The following ATF1 variants were observed in gnomAD, a reference collection of about 807,000 sequenced individuals.
The protein encoded by ATF1 is cyclic AMP-dependent transcription factor ATF-1.
A neutral mutation model predicts 34.7 loss-of-function variants in ATF1; 16 were observed. That is an observed-to-expected ratio of 0.46 (90% CI 0.31 to 0.70). The LOEUF is 0.70. ATF1 is among the 30% of genes least tolerant of loss of function. ATF1 has a pLI of 0.05. For synonymous variants in ATF1, 105 were observed against 113.1 expected (o/e 0.93, Z 0.46); for missense variants, 255 against 321.6 (o/e 0.79, Z 1.58).
At chr12:50,770,077 G>A (rs1048505967) in intron 1 of ATF1, among the ~76,000 whole-genome samples, 1 of 152,190 alleles carries the variant, frequency 6.6e-6, no homozygotes, top group Non-Finnish European at 1.5e-5. Context: ...TAGCAATTGA[G>A]TAAAGTATAC....
intron 1 of ATF1, among the ~76,000 whole-genome samples, chr12:50,772,587 A>G (rs934372792): frequency 6.6e-6 from 1 of 151,972 alleles, no homozygotes; most frequent in African/African-American, 2.4e-5. Context: ...CGGCCTCCCA[A>G]AGTTCTGGGA....
At chr12:50,802,815 T>C (rs1475342482) in intron 3 of ATF1, among the ~76,000 whole-genome samples, 1 of 118,012 alleles carries the variant, frequency 8.5e-6, no homozygotes, top group African/African-American at 3.4e-5. Flanking sequence ...GAGTTTGCAG[T>C]GAACTGAGAA....
chr12:50,796,183 C>T (rs1172221873), intron 3 of ATF1, among the ~76,000 whole-genome samples, 174 bp downstream of exon 3: 1 of 152,158 alleles, frequency 6.6e-6, no homozygotes, highest in African/African-American at 2.4e-5. Context: ...TTGCTTGAGC[C>T]CAGGAGTTCA....
At chr12:50,810,916 C>T (rs1376769212) in intron 4 of ATF1, among the ~76,000 whole-genome samples, 4 of 152,190 alleles carry the variant, frequency 2.6e-5, no homozygotes, top group African/African-American at 9.7e-5. Context: ...AACTAGATCA[C>T]ATCGCTCCTG....
At chr12:50,784,396 G>T (rs1347369183) in intron 2 of ATF1, among the ~76,000 whole-genome samples, 6 of 152,136 alleles carry the variant, frequency 3.9e-5, no homozygotes, top group Non-Finnish European at 8.8e-5. Context: ...TTTATACAAG[G>T]TAGACAGAGA....
In ATF1 at chr12:50,819,527, A is replaced by ATACTT. The variant is rs561606102; in HGVS notation, c.672-105_672-101dup. 364 of 1,266,184 alleles carry ATACTT rather than the reference A, an allele frequency of 2.9e-4. 3 individuals carry two copies. Among genetic ancestry groups the ATACTT allele is most frequent in the South Asian group, 1.8e-3 (131 of 73,082 alleles). The allele number at this position is 1,266,184 out of a possible 1,614,324, so 78.4% of individuals were successfully genotyped here. A position where few individuals can be genotyped will look rare whatever the true frequency, so the allele number is the denominator to read the frequency against. On this transcript the variant is annotated intron_variant, in intron 6 of 6. Coordinates refer to ENST00000262053, the MANE Select transcript of ATF1 (RefSeq NM_005171.5). Reference sequence around the variant, plus strand: ...TCTATGTATTCTCTGTGTGTAGATGATACTTTAAAGAGAAAAAAAGGTGAC... The same window carrying ATACTT: ...TCTATGTATTCTCTGTGTGTAGATGATACTTTACTTTAAAGAGAAAAAAAGGTGAC...
chr12:50,819,546 A>G, intron 6 of ATF1, 89 bp from the exon 7 acceptor site: 1 of 1,432,050 alleles, frequency 7.0e-7, no homozygotes, highest in Admixed American at 2.0e-5. Flanking sequence ...AGAGAAAAAA[A>G]GGTGACCACG....
At chr12:50,767,504 G>A (rs1400487565) in intron 1 of ATF1, among the ~76,000 whole-genome samples, 1 of 152,184 alleles carries the variant, frequency 6.6e-6, no homozygotes, top group Non-Finnish European at 1.5e-5. Flanking sequence ...TGGCAACAGA[G>A]CGAGACTCCA....
chr12:50,784,363 G>A (rs1941138991), intron 2 of ATF1, among the ~76,000 whole-genome samples: 1 of 152,132 alleles, frequency 6.6e-6, no homozygotes, highest in South Asian at 2.1e-4. Flanking sequence ...GGGAGTTGGT[G>A]GTGGGGACAG....
intron 3 of ATF1, chr12:50,806,447 G>A: frequency 2.5e-6 from 1 of 392,984 alleles, no homozygotes; most frequent in Non-Finnish European, 5.5e-6. Flanking sequence ...TGCCTGCACA[G>A]CACCACACAG....
chr12:50,794,625 A>C (rs1237218605), intron 2 of ATF1, among the ~76,000 whole-genome samples: 1 of 151,890 alleles, frequency 6.6e-6, no homozygotes, highest in Admixed American at 6.6e-5. Flanking sequence ...AAATGTTGGA[A>C]AGTTTTAATA....
At chr12:50,789,040 C>T (rs1413375645) in intron 2 of ATF1, among the ~76,000 whole-genome samples, 2 of 151,698 alleles carry the variant, frequency 1.3e-5, no homozygotes, top group Non-Finnish European at 2.9e-5. Context: ...GCGACTGATA[C>T]GTAGTTCAGT....
intron 3 of ATF1, among the ~76,000 whole-genome samples, chr12:50,796,475 C>T (rs1208815410): frequency 6.6e-6 from 1 of 151,194 alleles, no homozygotes; most frequent in African/African-American, 2.4e-5. Context: ...CTGAGGCGGG[C>T]AGATCACCTG....
rs1412683717 is a variant in ATF1 at position 50,814,016 on chromosome 12, T to A, written c.335T>A (p.Ile112Asn). The A allele has an allele frequency of 6.2e-7, 1 of 1,610,756 alleles. No individual in the cohort carries two copies. Among genetic ancestry groups the A allele is most frequent in the Non-Finnish European group, 8.5e-7 (1 of 1,179,140 alleles). Residue 112 changes from isoleucine (I) to asparagine (N), a missense_variant, in exon 5 of 7, where the codon ATT becomes AAT. Ile to Asn is a moderately radical substitution (Grantham distance 149, BLOSUM62 -3). Around this residue, in one of 2 missense-constraint regions of ATF1, gnomAD observed 221 missense variants for 250.7 expected, o/e 0.88. Transcript: ENST00000262053. The part of the protein sequence containing the change: ...YQTSSGQYIA[I>N]APNGALQLAS... ...TTTCTCTTTTTGATTAAAGTTGCCA[T>A]TGCCCCAAATGGAGCCTTACAGTTG...
chr12:50,766,862 C>T (rs1940649247), intron 1 of ATF1, among the ~76,000 whole-genome samples: 1 of 152,124 alleles, frequency 6.6e-6, no homozygotes, highest in African/African-American at 2.4e-5. Flanking sequence ...TTCTATTACT[C>T]AGGGCAACCA....
At chr12:50,776,237 A>C (rs1940919048) in intron 1 of ATF1, among the ~76,000 whole-genome samples, 1 of 149,948 alleles carries the variant, frequency 6.7e-6, no homozygotes, top group African/African-American at 2.4e-5. Context: ...AATGGTGTGA[A>C]CCCGGGAGGT....
intron 3 of ATF1, among the ~76,000 whole-genome samples, chr12:50,798,188 C>T (rs1450593470): frequency 6.6e-6 from 1 of 151,822 alleles, no homozygotes; most frequent in African/African-American, 2.4e-5. Flanking sequence ...GTGTATACTT[C>T]AGGAAGAAGA....
chr12:50,788,155 G>A (rs1010471694), intron 2 of ATF1: 1 of 441,890 alleles, frequency 2.3e-6, no homozygotes, highest in Admixed American at 2.5e-5. Flanking sequence ...CAAATAAGAT[G>A]AGGAATAAAA....
chr12:50,801,146 T>C (rs1197317744), intron 3 of ATF1, among the ~76,000 whole-genome samples: 3 of 152,106 alleles, frequency 2.0e-5, no homozygotes, highest in Non-Finnish European at 4.4e-5. Context: ...GAAATTCTGA[T>C]GGGGTTTTTA....
Sources: allele counts gnomAD v4.1 joint callset (sites outside exome capture counted in the v4.1 genomes callset), GRCh38; gene constraint gnomAD v4.1.1; regional missense constraint gnomAD v4.1.1; transcripts MANE v1.5; gene names NCBI Gene and HGNC (gene_info 2026-07-23, HGNC 2026-07-21).